The following C3orf49 variants were observed in gnomAD, a reference collection of about 807,000 sequenced individuals.
The protein encoded by C3orf49 is putative uncharacterized protein C3orf49.
In C3orf49, 27 loss-of-function variants were observed where a neutral mutation model predicts 13.3. The ratio of observed to expected loss-of-function variants is 2.02; its 90% CI spans 1.49 to 2.79. The LOEUF is 2.79. Ranked by LOEUF, C3orf49 falls within the 30% of genes most tolerant of loss-of-function variation. The probability of loss-of-function intolerance (pLI) is 0.00; values close to 1 mark genes in which losing one functional copy is unlikely to be tolerated. For synonymous variants in C3orf49, 87 were observed against 47.6 expected, an observed-to-expected ratio of 1.83 and a Z score of -3.40; for missense variants, 242 against 134.2, an observed-to-expected ratio of 1.80 and a Z score of -3.97.
intron 3 of C3orf49, among the ~76,000 whole-genome samples, chr3:63,829,388 G>C (rs1247497479): frequency 1.3e-5 from 2 of 152,096 alleles, no homozygotes; most frequent in African/African-American, 4.8e-5. Context: ...AATGAAAATT[G>C]ACCCCTATCT....
chr3:63,782,801 C>G, the C3orf49 span: 1 of 152,166 alleles, frequency 6.6e-6, no homozygotes, highest in Non-Finnish European at 1.5e-5. Flanking sequence ...AAGGGAAATC[C>G]TTAGCATGTT....
At chr3:63,799,696 G>A in the C3orf49 span, among the ~76,000 whole-genome samples, 1 of 152,176 alleles carries the variant, frequency 6.6e-6, no homozygotes, top group South Asian at 2.1e-4. Flanking sequence ...TAATTATAAT[G>A]AGAGAAAGCA....
At chr3:63,838,075 G>GT (rs767371199) in intron 5 of C3orf49, 5 of 1,577,376 alleles carry the variant, frequency 3.2e-6, no homozygotes, top group Non-Finnish European at 2.6e-6. Flanking sequence ...ATATGAGAAG[G>GT]TTTTTTAAAA....
At chr3:63,793,985 T>G in the C3orf49 span, among the ~76,000 whole-genome samples, 4 of 152,054 alleles carry the variant, frequency 2.6e-5, no homozygotes, top group Admixed American at 2.0e-4. Context: ...CAGGACACTG[T>G]TTCTACAAAA....
At chr3:63,840,336 T>C (rs896022174) in intron 5 of C3orf49, among the ~76,000 whole-genome samples, 4 of 152,064 alleles carry the variant, frequency 2.6e-5, no homozygotes, top group Non-Finnish European at 5.9e-5. Context: ...GATAAACATA[T>C]AATTTAAGGC....
the C3orf49 span, among the ~76,000 whole-genome samples, chr3:63,803,556 C>T: frequency 2.6e-5 from 4 of 152,180 alleles, no homozygotes; most frequent in Admixed American, 6.5e-5. Context: ...TTTATTACTC[C>T]GGCACAGCAA....
At chr3:63,848,161 CA>C (rs1333604758) in intron 6 of C3orf49, among the ~76,000 whole-genome samples, 1 of 152,196 alleles carries the variant, frequency 6.6e-6, no homozygotes, top group Non-Finnish European at 1.5e-5. Context: ...CATAAATCTA[CA>C]TTCTGTGGAG....
the C3orf49 span, among the ~76,000 whole-genome samples, chr3:63,780,856 T>G: frequency 5.3e-5 from 8 of 152,214 alleles, no homozygotes; most frequent in African/African-American, 1.9e-4. Flanking sequence ...TTCTTGTAAA[T>G]TTGTTTGAGT....
chr3:63,783,897 C>T, the C3orf49 span, among the ~76,000 whole-genome samples: 12 of 152,142 alleles, frequency 7.9e-5, 1 homozygote, highest in South Asian at 2.3e-3. Flanking sequence ...AGCAATGAGC[C>T]TTTCTAACAC....
intron 5 of C3orf49, chr3:63,838,231 A>G: frequency 2.2e-6 from 2 of 908,044 alleles, no homozygotes; most frequent in Non-Finnish European, 3.2e-6. Context: ...CACATTTTTT[A>G]TAGCTAACAT....
chr3:63,806,206 C>T, the C3orf49 span, among the ~76,000 whole-genome samples: 1 of 152,216 alleles, frequency 6.6e-6, no homozygotes, highest in Non-Finnish European at 1.5e-5. Flanking sequence ...CTGAGGTGTG[C>T]TTCCACACTG....
At chr3:63,808,596 GA>G in the C3orf49 span, among the ~76,000 whole-genome samples, 35 of 152,206 alleles carry the variant, frequency 2.3e-4, no homozygotes, top group Middle Eastern at 3.4e-3. Context: ...AACATCTTTG[GA>G]AAAAGCAAAT....
chr3:63,794,097 G>T, the C3orf49 span, among the ~76,000 whole-genome samples: 22 of 151,966 alleles, frequency 1.4e-4, no homozygotes, highest in African/African-American at 5.3e-4. Context: ...TGAGACTTCA[G>T]TGAACTACGA....
chr3:63,781,173 G>A, the C3orf49 span, among the ~76,000 whole-genome samples: 58 of 150,728 alleles, frequency 3.8e-4, no homozygotes, highest in East Asian at 0.01. Flanking sequence ...TGTATAAGGT[G>A]TAAGGAAGGG....
At chr3:63,832,323 T>C (rs2107109518) in intron 5 of C3orf49, among the ~76,000 whole-genome samples, 1 of 152,318 alleles carries the variant, frequency 6.6e-6, no homozygotes, top group South Asian at 2.1e-4. Context: ...TAAAAAAAAT[T>C]CTACCCAATA....
intron 5 of C3orf49, chr3:63,834,292 C>T: frequency 3.2e-6 from 4 of 1,243,340 alleles, no homozygotes; most frequent in Non-Finnish European, 4.6e-6. Context: ...CTTTATTAGC[C>T]AATACAATTA....
At chr3:63,839,006 C>T (rs1701697324) in intron 5 of C3orf49, among the ~76,000 whole-genome samples, 1 of 152,178 alleles carries the variant, frequency 6.6e-6, no homozygotes, top group African/African-American at 2.4e-5. Flanking sequence ...GCCTGGCCAA[C>T]ATGGTGAAAC....
At chr3:63,802,662 C>A in the C3orf49 span, among the ~76,000 whole-genome samples, 2 of 152,116 alleles carry the variant, frequency 1.3e-5, no homozygotes, top group Non-Finnish European at 2.9e-5. Context: ...TGTGTGTTGA[C>A]TGCTTGCTAT....
chr3:63,826,266 G>A (rs1019971335), intron 2 of C3orf49, among the ~76,000 whole-genome samples: 8 of 152,188 alleles, frequency 5.3e-5, no homozygotes, highest in African/African-American at 1.9e-4. Context: ...ATCTTTTAGT[G>A]TAGACTGGAT....
Sources: allele counts gnomAD v4.1 joint callset (sites outside exome capture counted in the v4.1 genomes callset), GRCh38; gene constraint gnomAD v4.1.1; transcripts MANE v1.5; gene names NCBI Gene and HGNC (gene_info 2026-07-23, HGNC 2026-07-21).